GRID2: variants seen among roughly 807,000 people sequenced by gnomAD.
GRID2 encodes the protein glutamate ionotropic receptor delta type subunit 2, also known as glutamate receptor ionotropic, delta-2.
Under a neutral mutation model 114.8 loss-of-function variants are expected in GRID2, and 33 were observed. The observed-to-expected ratio is 0.29, with a 90% confidence interval of 0.22 to 0.38. GRID2 has a LOEUF of 0.38. GRID2 is among the 10% of genes least tolerant of loss of function. The pLI is 1.00. For synonymous variants in GRID2, 505 were observed against 449.9 expected (o/e 1.12, Z -1.55); for missense variants, 1,184 against 1,257.7 (o/e 0.94, Z 0.89).
chr4:93,394,389 A>G lies in GRID2; in HGVS notation c.1246-1218A>G, dbSNP rs190516534. On this transcript the variant is annotated intron_variant, in intron 8 of 15. Coordinates refer to ENST00000282020, the MANE Select transcript of GRID2 (RefSeq NM_001510.4). ...CTGGCTCTGCTGTTTATACTGTGAC[A>G]TTCCCTTCTCTTAAGATATATTATG... 1.3e-3 allele frequency among the ~76,000 whole-genome samples: 195 copies of G among 152,084 alleles called. 1 individual carries two copies. The highest frequency in any genetic ancestry group is 4.4e-3 in the African/African-American group (184 of 41,558).
chr4:93,456,313 C>G (rs1279070430), intron 11 of GRID2, among the ~76,000 whole-genome samples: 2 of 152,142 alleles, frequency 1.3e-5, no homozygotes, highest in Non-Finnish European at 2.9e-5. Flanking sequence ...GATGAAATTA[C>G]TTATTACCAG....
At chr4:93,579,015 A>T (rs907393648) in intron 13 of GRID2, among the ~76,000 whole-genome samples, 10 of 152,238 alleles carry the variant, frequency 6.6e-5, no homozygotes, top group African/African-American at 2.4e-4. Flanking sequence ...GAGAGCAATT[A>T]GAAAATGTCT....
At chr4:92,504,548 G>A (rs926907996) in intron 1 of GRID2, among the ~76,000 whole-genome samples, 7 of 152,016 alleles carry the variant, frequency 4.6e-5, no homozygotes, top group Non-Finnish European at 8.8e-5. Flanking sequence ...CATGCCGAAG[G>A]AAGTTAATAG....
At chr4:93,371,961 T>C (rs1762974811) in intron 8 of GRID2, among the ~76,000 whole-genome samples, 1 of 152,044 alleles carries the variant, frequency 6.6e-6, no homozygotes. Context: ...TTGGCCAGGC[T>C]GGTCTCAAAC....
chr4:93,042,838 A>C (rs1407643760), intron 2 of GRID2, among the ~76,000 whole-genome samples: 4 of 151,498 alleles, frequency 2.6e-5, no homozygotes, highest in Non-Finnish European at 5.9e-5. Flanking sequence ...CCATACCATA[A>C]CTTTACTTCA....
At chr4:92,789,929 G>T (rs2149363647) in intron 2 of GRID2, among the ~76,000 whole-genome samples, 1 of 151,974 alleles carries the variant, frequency 6.6e-6, no homozygotes, top group East Asian at 1.9e-4. Context: ...TCTGCTGGAA[G>T]CCAGGGAAAG....
At chr4:93,128,068 C>T (rs536405584) in intron 4 of GRID2, among the ~76,000 whole-genome samples, 16 of 106,156 alleles carry the variant, frequency 1.5e-4, no homozygotes, top group Admixed American at 1.1e-3. Flanking sequence ...AACAACAGTA[C>T]GTGCTATATT....
At chr4:92,939,297 G>C (rs1408071517) in intron 2 of GRID2, among the ~76,000 whole-genome samples, 3 of 147,470 alleles carry the variant, frequency 2.0e-5, no homozygotes, top group African/African-American at 4.9e-5. Context: ...GTTTTGATTT[G>C]CATTTCTCTG....
chr4:93,767,873 A>C (rs867879568), intron 14 of GRID2, among the ~76,000 whole-genome samples: 19 of 152,330 alleles, frequency 1.2e-4, no homozygotes, highest in Middle Eastern at 3.4e-3. Context: ...AAGTCTAATT[A>C]TGTAAAAATT....
chr4:92,518,845 AT>A (rs1436259563), intron 1 of GRID2, among the ~76,000 whole-genome samples: 4 of 151,914 alleles, frequency 2.6e-5, no homozygotes. Flanking sequence ...AAGCTGTACC[AT>A]TCTTTGAAGC....
chr4:93,412,036 G>A (rs115200450), intron 9 of GRID2, among the ~76,000 whole-genome samples: 1 of 151,870 alleles, frequency 6.6e-6, no homozygotes, highest in Non-Finnish European at 1.5e-5. Context: ...GTCCAACTCT[G>A]TGTAGATAAT....
intron 11 of GRID2, among the ~76,000 whole-genome samples, chr4:93,489,463 G>A (rs1356601670): frequency 6.6e-6 from 1 of 151,878 alleles, no homozygotes; most frequent in Non-Finnish European, 1.5e-5. Flanking sequence ...ATTTTTTAAA[G>A]AGTCCTGGGA....
intron 2 of GRID2, among the ~76,000 whole-genome samples, chr4:92,688,037 C>CTTTTTTTTTTTTTTTTTTTTTTTTTTTT (rs760605020): frequency 6.7e-5 from 3 of 44,654 alleles, no homozygotes; most frequent in East Asian, 5.3e-4. Context: ...CCTTCTTCTT[C>CTTTTTTTTTTTTTTTTTTTTTTTTTTTT]TTTTTTTTTT....
chr4:92,406,143 C>T (rs1038199714), intron 1 of GRID2, among the ~76,000 whole-genome samples: 2 of 152,122 alleles, frequency 1.3e-5, no homozygotes, highest in Non-Finnish European at 2.9e-5. Context: ...GTCCACATTC[C>T]CCAGCCCACT....
chr4:93,449,170 T>C (rs901158731), intron 10 of GRID2, among the ~76,000 whole-genome samples: 4 of 151,926 alleles, frequency 2.6e-5, no homozygotes, highest in Non-Finnish European at 5.9e-5. Flanking sequence ...TACAAAAATT[T>C]ATTCTCTTGA....
chr4:92,617,921 T>C (rs913124543), intron 2 of GRID2, among the ~76,000 whole-genome samples: 1 of 151,686 alleles, frequency 6.6e-6, no homozygotes, highest in Non-Finnish European at 1.5e-5. Flanking sequence ...ATTAATCCCC[T>C]GTTGAATGAG....
intron 2 of GRID2, among the ~76,000 whole-genome samples, chr4:92,654,689 TG>T (rs1732138689): frequency 6.6e-6 from 1 of 152,042 alleles, no homozygotes; most frequent in Non-Finnish European, 1.5e-5. Context: ...TTCATATCTC[TG>T]TTGGCTACCT....
chr4:92,348,153 A>G (rs749634364), intron 1 of GRID2, among the ~76,000 whole-genome samples: 4 of 151,970 alleles, frequency 2.6e-5, no homozygotes, highest in Non-Finnish European at 5.9e-5. Flanking sequence ...TTTAGTGGAG[A>G]TGAGGTCTCA....
chr4:92,872,976 A>C (rs1247761065), intron 2 of GRID2, among the ~76,000 whole-genome samples: 1 of 152,228 alleles, frequency 6.6e-6, no homozygotes, highest in Non-Finnish European at 1.5e-5. Context: ...GTTAACTAGA[A>C]GTCAACATGG....
Sources: allele counts gnomAD v4.1 joint callset (sites outside exome capture counted in the v4.1 genomes callset), GRCh38; gene constraint gnomAD v4.1.1; transcripts MANE v1.5; gene names NCBI Gene and HGNC (gene_info 2026-07-23, HGNC 2026-07-21).